Variants in CDH13 observed in about 807,000 individuals in gnomAD.
The protein encoded by CDH13 is cadherin-13.
A neutral mutation model predicts 63.8 loss-of-function variants in CDH13; 24 were observed. That is an observed-to-expected ratio of 0.38 (90% CI 0.27 to 0.53). CDH13 has a LOEUF of 0.53. Among genes scored for constraint, CDH13 ranks in the 20% least tolerant of loss-of-function variants. CDH13 has a pLI of 0.85. For missense variants in CDH13, 1,049 were observed against 903.1 expected (o/e 1.16, Z -2.07); for synonymous variants, 503 against 355.3 (o/e 1.42, Z -4.67).
chr16:83,244,932 G>T (rs768404969), intron 5 of CDH13, among the ~76,000 whole-genome samples: 2 of 152,044 alleles, frequency 1.3e-5, no homozygotes, highest in African/African-American at 4.8e-5. Flanking sequence ...AAGGAAAAAC[G>T]GTGTTCAGCA....
chr16:82,926,642 C>T (rs2042311738), intron 2 of CDH13, among the ~76,000 whole-genome samples: 2 of 152,172 alleles, frequency 1.3e-5, no homozygotes, highest in Admixed American at 6.5e-5. Context: ...GGTACAAAAG[C>T]CTTGAAGCTT....
At chr16:83,358,783 T>C (rs2091104369) in intron 6 of CDH13, among the ~76,000 whole-genome samples, 1 of 152,194 alleles carries the variant, frequency 6.6e-6, no homozygotes, top group South Asian at 2.1e-4. Flanking sequence ...GTCTCCTCTG[T>C]TATCTTAGAG....
In CDH13 at chr16:83,216,443, T is replaced by TATACACACATAC. The variant is rs1472700247; in HGVS notation, c.484-901_484-900insTACACACATACA. On this transcript the variant is annotated intron_variant, in intron 4 of 13. Coordinates refer to ENST00000567109, the MANE Select transcript of CDH13 (RefSeq NM_001257.5). ...ATATATATATATATATATATATATA[T>TATACACACATAC]ACACAACCCTAATTTGAGGTTTATA... is the stretch of plus-strand genomic sequence containing the variant. Among the ~76,000 whole-genome samples the TATACACACATAC allele has an allele frequency of 2.5e-3, 232 of 93,432 alleles. 13 individuals are homozygous for TATACACACATAC. The highest frequency in any genetic ancestry group is 8.7e-3 in the African/African-American group (222 of 25,380). The allele number at this position is 93,432 out of a possible 152,430, so 61.3% of individuals were successfully genotyped here. A position where few individuals can be genotyped will look rare whatever the true frequency, so the allele number is the denominator to read the frequency against.
intron 6 of CDH13, among the ~76,000 whole-genome samples, chr16:83,455,510 T>C (rs2072998877): frequency 6.6e-6 from 1 of 152,182 alleles, no homozygotes; most frequent in Non-Finnish European, 1.5e-5. Flanking sequence ...TTTTCTCCTC[T>C]TCCCTAGATA....
At chr16:83,424,111 A>G (rs1398796668) in intron 6 of CDH13, among the ~76,000 whole-genome samples, 1 of 151,906 alleles carries the variant, frequency 6.6e-6, no homozygotes, top group African/African-American at 2.4e-5. Flanking sequence ...GGGAAATCCA[A>G]AACGTACTGA....
intron 3 of CDH13, among the ~76,000 whole-genome samples, chr16:83,113,217 A>G (rs1472678740): frequency 1.3e-5 from 2 of 152,262 alleles, no homozygotes; most frequent in African/African-American, 2.4e-5. Context: ...GCACCCCAGG[A>G]TAAAAGAATC....
At chr16:83,060,501 C>G (rs1199934214) in intron 3 of CDH13, among the ~76,000 whole-genome samples, 1 of 152,158 alleles carries the variant, frequency 6.6e-6, no homozygotes, top group Non-Finnish European at 1.5e-5. Context: ...CTTGTTGCAT[C>G]CCCTCCATTA....
At chr16:82,745,651 A>T (rs972912367) in intron 1 of CDH13, among the ~76,000 whole-genome samples, 2 of 152,130 alleles carry the variant, frequency 1.3e-5, no homozygotes, top group African/African-American at 4.8e-5. Flanking sequence ...ATCATACATC[A>T]TCGTAGGTCA....
chr16:82,983,224 T>C (rs543534137), intron 2 of CDH13, among the ~76,000 whole-genome samples: 1 of 152,280 alleles, frequency 6.6e-6, no homozygotes, highest in South Asian at 2.1e-4. Context: ...TGCAGAGAAG[T>C]CCAGAACACT....
At chr16:82,896,043 C>T (rs1327609004) in intron 2 of CDH13, among the ~76,000 whole-genome samples, 1 of 152,174 alleles carries the variant, frequency 6.6e-6, no homozygotes, top group Non-Finnish European at 1.5e-5. Context: ...GAGCTCTTCA[C>T]TGCCTACTTT....
At chr16:83,660,057 G>A (rs1315972916) in intron 8 of CDH13, among the ~76,000 whole-genome samples, 1 of 152,124 alleles carries the variant, frequency 6.6e-6, no homozygotes, top group African/African-American at 2.4e-5. Context: ...AAAGTGCTGA[G>A]ATTACACTCA....
intron 2 of CDH13, among the ~76,000 whole-genome samples, chr16:83,024,578 T>C (rs1378703149): frequency 6.6e-6 from 1 of 152,176 alleles, no homozygotes; most frequent in East Asian, 1.9e-4. Flanking sequence ...GGATAACTCA[T>C]GCAACCTCAC....
chr16:83,244,243 T>C (rs1363581632), intron 5 of CDH13, among the ~76,000 whole-genome samples: 1 of 152,110 alleles, frequency 6.6e-6, no homozygotes, highest in African/African-American at 2.4e-5. Flanking sequence ...CTGCACACTT[T>C]AAATGGGCTT....
At chr16:82,895,994 C>A (rs2041243269) in intron 2 of CDH13, among the ~76,000 whole-genome samples, 1 of 152,154 alleles carries the variant, frequency 6.6e-6, no homozygotes, top group South Asian at 2.1e-4. Context: ...GGTAGTGCTT[C>A]CTGTCATTCA....
chr16:83,726,230 T>C (rs1910367053), intron 10 of CDH13: 1 of 152,220 alleles, frequency 6.6e-6, no homozygotes, highest in African/African-American at 2.4e-5. Context: ...GAGACCATCA[T>C]TTCACATGAC....
At chr16:83,297,189 T>G (rs2089622612) in intron 5 of CDH13, among the ~76,000 whole-genome samples, 1 of 152,160 alleles carries the variant, frequency 6.6e-6, no homozygotes, top group East Asian at 1.9e-4. Context: ...TAGTTTTCAT[T>G]ATTATATTGT....
At chr16:83,396,269 A>G (rs1289989374) in intron 6 of CDH13, among the ~76,000 whole-genome samples, 1 of 152,186 alleles carries the variant, frequency 6.6e-6, no homozygotes, top group Non-Finnish European at 1.5e-5. Context: ...TGTGAGCTAT[A>G]AAATGGGGGT....
intron 1 of CDH13, among the ~76,000 whole-genome samples, chr16:82,642,832 T>C (rs1354605322): frequency 6.6e-6 from 1 of 152,224 alleles, no homozygotes; most frequent in African/African-American, 2.4e-5. Flanking sequence ...ATAAAATATC[T>C]TCTATGGTTT....
At chr16:83,080,991 C>G (rs2033211252) in intron 3 of CDH13, among the ~76,000 whole-genome samples, 1 of 145,514 alleles carries the variant, frequency 6.9e-6, no homozygotes, top group Admixed American at 7.2e-5. Flanking sequence ...AAACGATTCC[C>G]CTGCCTCAGC....
Sources: gnomAD v4.1 joint callset for allele counts (sites outside exome capture counted in the v4.1 genomes callset) on GRCh38, gnomAD v4.1.1 for gene constraint, MANE v1.5 for transcripts, NCBI Gene and HGNC (gene_info 2026-07-23, HGNC 2026-07-21) for gene names.